Variants in STK10 observed in about 807,000 individuals in gnomAD.
STK10 encodes serine/threonine-protein kinase 10.
Under a neutral mutation model 113.8 loss-of-function variants are expected in STK10, and 78 were observed. The observed-to-expected ratio is 0.69, with a 90% confidence interval of 0.57 to 0.83. The LOEUF (loss-of-function observed/expected upper bound fraction) is 0.83, where lower values mean the gene tolerates loss of function less well. STK10 is among the 40% of genes least tolerant of loss of function. The pLI is 0.00. For missense variants in STK10, 1,109 were observed against 1,280.1 expected (o/e 0.87, Z 2.04); for synonymous variants, 465 against 494.7 (o/e 0.94, Z 0.80).
chr5:172,109,354 A>G (rs1254870453), intron 4 of STK10, among the ~76,000 whole-genome samples: 7 of 145,528 alleles, frequency 4.8e-5, no homozygotes, highest in Non-Finnish European at 9.1e-5. Context: ...GACAGAGTCC[A>G]CTCTGTCACC....
rs554361747 is a variant in STK10 at position 172,185,788 on chromosome 5, A to T, written c.156+2099T>A. Among the ~76,000 whole-genome samples, 27 of 152,358 alleles carry T rather than the reference A, an allele frequency of 1.8e-4. No individual in the cohort carries two copies. The South Asian group carries it at 4.6e-3, about 26-fold the overall frequency. ...TCTGGTGCCACCAGGAAGAAGATGC[A>T]GCTCTGAGGAGAGTAAAGAAAAGAC... On this transcript the variant is annotated intron_variant, in intron 1 of 18. Coordinates refer to ENST00000176763, the MANE Select transcript of STK10 (RefSeq NM_005990.4).
intron 4 of STK10, 78 bp downstream of exon 4, chr5:172,117,403 C>A: frequency 6.4e-7 from 1 of 1,565,030 alleles, no homozygotes; most frequent in Non-Finnish European, 8.7e-7. Flanking sequence ...TCCACACTCC[C>A]ACTGGCCTGC....
At chr5:172,143,290 G>A (rs189536887) in intron 2 of STK10, among the ~76,000 whole-genome samples, 84 of 152,248 alleles carry the variant, frequency 5.5e-4, no homozygotes, top group African/African-American at 2.0e-3. Flanking sequence ...AGCTTGAACC[G>A]GGAGGCAGAG....
chr5:172,119,237 G>A (rs1023167335), intron 3 of STK10, among the ~76,000 whole-genome samples: 1 of 152,148 alleles, frequency 6.6e-6, no homozygotes, highest in African/African-American at 2.4e-5. Flanking sequence ...CTGGAAAGGG[G>A]AACAGACTTG....
At chr5:172,091,929 A>G (rs375510686) in intron 9 of STK10, among the ~76,000 whole-genome samples, 3 of 152,008 alleles carry the variant, frequency 2.0e-5, no homozygotes, top group African/African-American at 4.8e-5. Flanking sequence ...AGGTCTCTTG[A>G]CCCCTTGAAA....
intron 7 of STK10, among the ~76,000 whole-genome samples, chr5:172,103,394 C>T (rs960973447): frequency 6.6e-6 from 1 of 152,246 alleles, no homozygotes; most frequent in Non-Finnish European, 1.5e-5. Flanking sequence ...TCTGGCAGGA[C>T]ATTTTTTCCA....
intron 14 of STK10, among the ~76,000 whole-genome samples, chr5:172,059,649 T>A (rs1767887824): frequency 6.6e-6 from 1 of 151,970 alleles, no homozygotes; most frequent in Non-Finnish European, 1.5e-5. Flanking sequence ...GACGACATCA[T>A]CTAGACATGT....
intron 12 of STK10, among the ~76,000 whole-genome samples, chr5:172,077,753 T>G (rs984243864): frequency 2.0e-5 from 2 of 101,492 alleles, no homozygotes; most frequent in African/African-American, 1.0e-4. Flanking sequence ...CTTATTGGTT[T>G]TTTTTTTTTG....
At chr5:172,105,587 G>C in intron 7 of STK10, 69 bp downstream of exon 7, 1 of 1,533,534 alleles carries the variant, frequency 6.5e-7, no homozygotes, top group African/African-American at 1.4e-5. Flanking sequence ...CATGCCCAGC[G>C]TCCAGGTCAC....
intron 7 of STK10, among the ~76,000 whole-genome samples, chr5:172,105,104 C>T (rs78563317): frequency 2.6e-4 from 40 of 152,132 alleles, no homozygotes; most frequent in African/African-American, 8.2e-4. Flanking sequence ...TTGGGACAGA[C>T]GCCCCAGTGC....
chr5:172,079,379 C>T (rs1043798532), intron 12 of STK10, among the ~76,000 whole-genome samples: 1 of 152,124 alleles, frequency 6.6e-6, no homozygotes, highest in Non-Finnish European at 1.5e-5. Context: ...CACTGAGAGG[C>T]TTTCCCAGAC....
intron 13 of STK10, among the ~76,000 whole-genome samples, chr5:172,062,200 A>G (rs921589810): frequency 6.6e-6 from 1 of 151,418 alleles, no homozygotes; most frequent in African/African-American, 2.4e-5. Context: ...CTGGTCTTCA[A>G]CTCCTGGCCT....
chr5:172,107,933 T>A (rs1253195590), intron 4 of STK10, 81 bp from the exon 5 acceptor site: 1 of 1,225,704 alleles, frequency 8.2e-7, no homozygotes, highest in Non-Finnish European at 1.2e-6. Context: ...GGGGTACACA[T>A]TCCAAGTCGA....
intron 2 of STK10, among the ~76,000 whole-genome samples, chr5:172,142,905 C>A (rs1367220146): frequency 6.6e-6 from 1 of 152,174 alleles, no homozygotes; most frequent in Non-Finnish European, 1.5e-5. Context: ...GGGGAAAGGC[C>A]CCTCTGCTTC....
intron 1 of STK10, among the ~76,000 whole-genome samples, chr5:172,157,600 T>C (rs1770378103): frequency 6.6e-6 from 1 of 152,056 alleles, no homozygotes; most frequent in Non-Finnish European, 1.5e-5. Flanking sequence ...ATTTTTTTTG[T>C]TGTTTTTTGA....
intron 7 of STK10, among the ~76,000 whole-genome samples, chr5:172,104,525 C>T (rs558836191): frequency 2.0e-5 from 3 of 152,178 alleles, no homozygotes; most frequent in Non-Finnish European, 4.4e-5. Flanking sequence ...CTCCTGATCC[C>T]GCATACAGCA....
At chr5:172,096,705 G>T in intron 7 of STK10, 145 bp from the exon 8 acceptor site, 1 of 1,131,704 alleles carries the variant, frequency 8.8e-7, no homozygotes, top group Non-Finnish European at 1.3e-6. Context: ...CCCAGAGACA[G>T]CCTGGAAAGT....
At chr5:172,138,084 T>C (rs1769904284) in intron 2 of STK10, among the ~76,000 whole-genome samples, 2 of 151,930 alleles carry the variant, frequency 1.3e-5, no homozygotes, top group Admixed American at 1.3e-4. Context: ...CAAAATGAAA[T>C]AAAAGACATC....
chr5:172,072,289 T>C (rs28833269), intron 12 of STK10, among the ~76,000 whole-genome samples: 31,943 of 151,688 alleles, frequency 0.21, 4,381 homozygotes, highest in African/African-American at 0.38. Context: ...TTTTTTGAGA[T>C]GGAGTCTTGC....
Sources: gnomAD v4.1 joint callset for allele counts (sites outside exome capture counted in the v4.1 genomes callset) on GRCh38, gnomAD v4.1.1 for gene constraint, MANE v1.5 for transcripts, NCBI Gene and HGNC (gene_info 2026-07-23, HGNC 2026-07-21) for gene names.